The following SLC7A1 variants were observed in gnomAD, a reference collection of about 807,000 sequenced individuals.
SLC7A1 encodes solute carrier family 7 member 1.
A neutral mutation model predicts 53.9 loss-of-function variants in SLC7A1; 10 were observed. That is an observed-to-expected ratio of 0.19 (90% CI 0.11 to 0.31). The LOEUF (loss-of-function observed/expected upper bound fraction) is 0.31, where lower values mean the gene tolerates loss of function less well. SLC7A1 is among the 10% of genes least tolerant of loss of function. SLC7A1 has a pLI of 1.00. For synonymous variants in SLC7A1, 342 were observed against 338.7 expected, an observed-to-expected ratio of 1.01 and a Z score of -0.11; for missense variants, 525 against 827.2, an observed-to-expected ratio of 0.63 and a Z score of 4.48.
At chr13:29,536,556 G>C (rs1181730541) in intron 2 of SLC7A1, among the ~76,000 whole-genome samples, 3 of 152,198 alleles carry the variant, frequency 2.0e-5, no homozygotes, top group Non-Finnish European at 4.4e-5. Flanking sequence ...TCAGTCATCA[G>C]ATAATACACC....
At chr13:29,593,163 CAA>C (rs1020560926) in intron 1 of SLC7A1, among the ~76,000 whole-genome samples, 1 of 152,212 alleles carries the variant, frequency 6.6e-6, no homozygotes, top group East Asian at 1.9e-4. Flanking sequence ...TTGTGACTTT[CAA>C]AAAGTCCCTC....
At chr13:29,548,816 C>T (rs1260775233) in intron 2 of SLC7A1, among the ~76,000 whole-genome samples, 1 of 152,252 alleles carries the variant, frequency 6.6e-6, no homozygotes, top group Non-Finnish European at 1.5e-5. Flanking sequence ...AGCCCTGACA[C>T]ACACGTAAAA....
chr13:29,538,556 G>C (rs921618980), intron 2 of SLC7A1, among the ~76,000 whole-genome samples: 1 of 152,214 alleles, frequency 6.6e-6, no homozygotes. Flanking sequence ...TGGCACTAGG[G>C]AGGAGGAGGA....
chr13:29,514,606 G>C, intron 12 of SLC7A1, 23 bp from the exon 13 acceptor site: 1 of 1,564,158 alleles, frequency 6.4e-7, no homozygotes, highest in South Asian at 1.1e-5. Context: ...AGCAGAGACG[G>C]GCGTGAACAG....
At chr13:29,580,164 A>T (rs1394407397) in intron 1 of SLC7A1, among the ~76,000 whole-genome samples, 1 of 152,220 alleles carries the variant, frequency 6.6e-6, no homozygotes, top group Non-Finnish European at 1.5e-5. Flanking sequence ...GCCCAGGATC[A>T]CATGAGTCCA....
chr13:29,523,830 A>G (rs2776956), intron 6 of SLC7A1, among the ~76,000 whole-genome samples: 145,928 of 152,272 alleles, frequency 0.96, 70,051 homozygotes, highest in Non-Finnish European at 0.99. Context: ...TGTTGTGAAT[A>G]GCCTCACTCC....
At chr13:29,592,403 G>C (rs931653505) in intron 1 of SLC7A1, among the ~76,000 whole-genome samples, 1 of 152,158 alleles carries the variant, frequency 6.6e-6, no homozygotes, top group Non-Finnish European at 1.5e-5. Context: ...ACCAAATCTC[G>C]ACCAGTGGGC....
intron 4 of SLC7A1, among the ~76,000 whole-genome samples, chr13:29,532,466 C>T (rs973601803): frequency 7.9e-5 from 12 of 152,230 alleles, no homozygotes; most frequent in South Asian, 2.1e-4. Context: ...GACAGTTTTG[C>T]TTTCCAAATG....
chr13:29,588,332 T>A (rs1340916192), intron 1 of SLC7A1, among the ~76,000 whole-genome samples: 1 of 152,160 alleles, frequency 6.6e-6, no homozygotes, highest in Non-Finnish European at 1.5e-5. Context: ...TAAAATGGCA[T>A]GACGTCTTCA....
chr13:29,555,807 T>C (rs1026911333), intron 1 of SLC7A1, among the ~76,000 whole-genome samples: 1 of 152,124 alleles, frequency 6.6e-6, no homozygotes, highest in Admixed American at 6.5e-5. Context: ...TCCCTAAAAG[T>C]TGAATTTTCT....
At chr13:29,545,324 AC>A (rs1869867441) in intron 2 of SLC7A1, among the ~76,000 whole-genome samples, 1 of 151,428 alleles carries the variant, frequency 6.6e-6, no homozygotes, top group Admixed American at 6.6e-5. Context: ...CACCCCCTTC[AC>A]CCCAATCAGA....
Position 29,554,036 on chromosome 13 carries a change from G to A in SLC7A1, c.-114-176C>T, listed in dbSNP as rs547155357. On this transcript the variant is annotated intron_variant, in intron 1 of 12. Coordinates refer to ENST00000380752, the MANE Select transcript of SLC7A1 (RefSeq NM_003045.5). ...AAGGGGCCCACCATGGGGCATCATCGGGGGAATTCAGGGAGAAGATGGGGA... is the reference window on the plus strand; with the variant it reads ...AAGGGGCCCACCATGGGGCATCATCAGGGGAATTCAGGGAGAAGATGGGGA... 6.2e-4 allele frequency among the ~76,000 whole-genome samples: 94 copies of A among 152,318 alleles called. 1 individual carries two copies. The highest frequency in any genetic ancestry group is 1.8e-3 in the Admixed American group (27 of 15,304).
intron 5 of SLC7A1, 43 bp from the exon 6 acceptor site, chr13:29,524,296 G>A (rs370245788): frequency 1.1e-5 from 18 of 1,612,334 alleles, no homozygotes; most frequent in African/African-American, 1.3e-5. Flanking sequence ...CACTCGCTGC[G>A]CAGTCTGGCG....
chr13:29,590,525 C>CTGCAA lies in SLC7A1; in HGVS notation c.-115+4890_-115+4891insTTGCA, dbSNP rs376415621. ...GCATGGGTCTGAGTCCTAAGCAAAC[C>CTGCAA]TGCACCCCATGCTCAGGGAGACATC... On this transcript the variant is annotated intron_variant, in intron 1 of 12. Coordinates refer to ENST00000380752, the MANE Select transcript of SLC7A1 (RefSeq NM_003045.5). 1.8e-3 allele frequency among the ~76,000 whole-genome samples: 269 copies of CTGCAA among 152,226 alleles called. 3 individuals are homozygous for CTGCAA. The highest frequency in any genetic ancestry group is 6.1e-3 in the African/African-American group (254 of 41,514).
intron 1 of SLC7A1, among the ~76,000 whole-genome samples, chr13:29,555,598 C>T (rs143255900): frequency 7.9e-4 from 119 of 150,724 alleles, no homozygotes; most frequent in Non-Finnish European, 1.3e-3. Flanking sequence ...ATCCTGGTGC[C>T]CCACTGCAGG....
chr13:29,557,352 G>A (rs1245401787), intron 1 of SLC7A1, among the ~76,000 whole-genome samples: 5 of 152,018 alleles, frequency 3.3e-5, no homozygotes, highest in Admixed American at 1.3e-4. Flanking sequence ...GCACCTTTAG[G>A]CGATTTCATC....
chr13:29,532,753 C>T, intron 4 of SLC7A1, 71 bp downstream of exon 4: 2 of 1,383,298 alleles, frequency 1.4e-6, no homozygotes, highest in Non-Finnish European at 9.9e-7. Flanking sequence ...AAGAAAGGAA[C>T]TTAACAGGAG....
chr13:29,574,043 G>C (rs896419552), intron 1 of SLC7A1, among the ~76,000 whole-genome samples: 1 of 152,250 alleles, frequency 6.6e-6, no homozygotes, highest in Non-Finnish European at 1.5e-5. Context: ...AGAATCTGTA[G>C]AAAGGAATGG....
intron 1 of SLC7A1, among the ~76,000 whole-genome samples, chr13:29,594,597 C>A (rs1872232512): frequency 1.3e-5 from 2 of 152,308 alleles, no homozygotes; most frequent in South Asian, 2.1e-4. Flanking sequence ...TTTTCTACTA[C>A]GCAGAAAGGA....
Sources: allele counts gnomAD v4.1 joint callset (sites outside exome capture counted in the v4.1 genomes callset), GRCh38; gene constraint gnomAD v4.1.1; transcripts MANE v1.5; gene names NCBI Gene and HGNC (gene_info 2026-07-23, HGNC 2026-07-21).